The following GULP1 variants were observed in gnomAD, a reference collection of about 807,000 sequenced individuals.
GULP1 encodes PTB domain-containing engulfment adapter protein 1.
GULP1 carries 19 observed loss-of-function variants against 40.9 expected under a neutral mutation model. The observed-to-expected ratio is 0.46, with a 90% CI of 0.32 to 0.68. The LOEUF is 0.68. Ranked by LOEUF, GULP1 falls within the 30% of genes least tolerant of loss-of-function variation. The pLI, the probability that GULP1 is intolerant of heterozygous loss-of-function variation, is 0.03. For synonymous variants in GULP1, 119 were observed against 117.6 expected (o/e 1.01, Z -0.08); for missense variants, 312 against 362.2 (o/e 0.86, Z 1.12).
At chr2:188,385,267 A>G (rs1490567308) in intron 2 of GULP1, among the ~76,000 whole-genome samples, 1 of 152,154 alleles carries the variant, frequency 6.6e-6, no homozygotes, top group Non-Finnish European at 1.5e-5. Flanking sequence ...CCACAGGCTC[A>G]ATACCATGTG....
rs2050161716 is a variant in GULP1, at chr2:188,388,968, A to T, written c.-45+5079A>T. Reference sequence around the variant, plus strand: ...GGCAATGTTTCTAAATTTTTAAATAATTCAGGAAGAAACAATAGAAGCTTT... The same window carrying T: ...GGCAATGTTTCTAAATTTTTAAATATTTCAGGAAGAAACAATAGAAGCTTT... On this transcript the variant is annotated intron_variant, in intron 2 of 11. Transcript: ENST00000409830. Among the ~76,000 whole-genome samples, 3 of 152,226 alleles carry T rather than the reference A, an allele frequency of 2.0e-5. No homozygotes were observed. The South Asian group carries it at 6.2e-4, about 32-fold the overall frequency.
rs113918589 is a variant in GULP1, at chr2:188,499,171, G to A, written c.90+15679G>A. On this transcript the variant is annotated intron_variant, in intron 4 of 11. Coordinates refer to ENST00000409830, the MANE Select transcript of GULP1 (RefSeq NM_016315.4). ...TATATATATATATATATATATATAT[G>A]AACTCTGCATTTACTGTATCTTACA... 1.2e-3 allele frequency among the ~76,000 whole-genome samples: 127 copies of A among 105,478 alleles called. 3 individuals are homozygous for A. The highest frequency in any genetic ancestry group is 4.1e-3 in the African/African-American group (112 of 27,130). The allele number at this position is 105,478 out of a possible 152,430, so 69.2% of individuals were successfully genotyped here.
At chr2:188,411,409 G>A in intron 2 of GULP1, among the ~76,000 whole-genome samples, 1 of 152,110 alleles carries the variant, frequency 6.6e-6, no homozygotes, top group Non-Finnish European at 1.5e-5. Context: ...TTGATGAGTG[G>A]AAGTCCATGT....
At chr2:188,307,089 A>G (rs1040147146) in intron 1 of GULP1, among the ~76,000 whole-genome samples, 2 of 152,156 alleles carry the variant, frequency 1.3e-5, no homozygotes, top group Non-Finnish European at 2.9e-5. Flanking sequence ...TATTGAAGGA[A>G]AATAATGATT....
chr2:188,454,723 C>T (rs1190394405), intron 2 of GULP1, among the ~76,000 whole-genome samples: 1 of 152,198 alleles, frequency 6.6e-6, no homozygotes, highest in East Asian at 1.9e-4. Context: ...TAAAGAGGAT[C>T]AGTAATTTTA....
rs1704249465 is a variant in GULP1, at chr2:188,595,118, T to C, written c.*1107T>C. On this transcript the variant is annotated 3_prime_UTR_variant, in exon 12 of 12. Coordinates refer to ENST00000409830, the MANE Select transcript of GULP1 (RefSeq NM_016315.4). ...TTAGTCTTGAACATGAGCAATAAAATTCTCTTGCATTTCATTATTGATGTG... is the reference window on the plus strand; with the variant it reads ...TTAGTCTTGAACATGAGCAATAAAACTCTCTTGCATTTCATTATTGATGTG... 6.6e-6 allele frequency: 1 copy of C among 151,278 alleles called. No homozygotes were observed. The highest frequency in any genetic ancestry group is 2.4e-5 in the African/African-American group (1 of 41,244). 9.4% of individuals were successfully genotyped at this position (151,278 alleles called of 1,614,324 possible).
chr2:188,352,631 C>T (rs1221392891), intron 1 of GULP1, among the ~76,000 whole-genome samples: 1 of 150,926 alleles, frequency 6.6e-6, no homozygotes. Flanking sequence ...CACACACACA[C>T]ACACACACAC....
At chr2:188,336,952 T>C (rs1454770166) in intron 1 of GULP1, among the ~76,000 whole-genome samples, 1 of 152,186 alleles carries the variant, frequency 6.6e-6, no homozygotes, top group Non-Finnish European at 1.5e-5. Context: ...ATATCTTTGA[T>C]GCCTTTGTTA....
chr2:188,453,117 T>A (rs1487629189), intron 2 of GULP1, among the ~76,000 whole-genome samples: 1 of 152,086 alleles, frequency 6.6e-6, no homozygotes, highest in Non-Finnish European at 1.5e-5. Flanking sequence ...TATGCCCTTC[T>A]TTTTAATATG....
intron 9 of GULP1, among the ~76,000 whole-genome samples, chr2:188,582,781 A>G (rs528919844): frequency 6.6e-6 from 1 of 152,310 alleles, no homozygotes; most frequent in South Asian, 2.1e-4. Flanking sequence ...ATTTACATAC[A>G]GATACTTCAA....
intron 5 of GULP1, among the ~76,000 whole-genome samples, chr2:188,525,998 C>T (rs7419798): frequency 0.89 from 135,133 of 152,154 alleles, 61,296 homozygotes; most frequent in South Asian, 0.99. Flanking sequence ...ATAATAGGCC[C>T]GAAGTAGTAA....
intron 2 of GULP1, among the ~76,000 whole-genome samples, chr2:188,459,879 G>A (rs958112498): frequency 6.6e-6 from 1 of 152,118 alleles, no homozygotes; most frequent in African/African-American, 2.4e-5. Flanking sequence ...AGTTTTCCCA[G>A]CATCATTTAT....
chr2:188,430,812 A>G (rs985711345), intron 2 of GULP1, among the ~76,000 whole-genome samples: 3 of 152,302 alleles, frequency 2.0e-5, no homozygotes, highest in Non-Finnish European at 1.5e-5. Flanking sequence ...AGAACCAGCC[A>G]TAAAGAAATG....
chr2:188,512,866 C>T (rs1321024724), intron 4 of GULP1, among the ~76,000 whole-genome samples: 2 of 152,006 alleles, frequency 1.3e-5, no homozygotes, highest in African/African-American at 4.8e-5. Flanking sequence ...TTCATTTTAA[C>T]TATTTGAAAA....
intron 7 of GULP1, among the ~76,000 whole-genome samples, chr2:188,544,107 C>T (rs890340339): frequency 2.0e-5 from 3 of 152,052 alleles, no homozygotes; most frequent in Admixed American, 1.3e-4. Flanking sequence ...CATTTCCACC[C>T]TCACTCTCCT....
chr2:188,459,963 A>G (rs1163731753), intron 2 of GULP1, among the ~76,000 whole-genome samples: 1 of 151,858 alleles, frequency 6.6e-6, no homozygotes, highest in Non-Finnish European at 1.5e-5. Context: ...AGGTGCGTGG[A>G]TTTATTTCTG....
intron 7 of GULP1, among the ~76,000 whole-genome samples, chr2:188,551,688 C>T (rs556076950): frequency 6.6e-6 from 1 of 151,792 alleles, no homozygotes; most frequent in South Asian, 2.1e-4. Context: ...GATGGATACC[C>T]AGTAGTGGAG....
chr2:188,305,217 G>T (rs997414839), intron 1 of GULP1, among the ~76,000 whole-genome samples: 2 of 152,220 alleles, frequency 1.3e-5, no homozygotes, highest in Non-Finnish European at 2.9e-5. Flanking sequence ...TGCAGATGAA[G>T]AGATGCATAG....
intron 4 of GULP1, among the ~76,000 whole-genome samples, chr2:188,484,589 G>A (rs984617702): frequency 6.6e-6 from 1 of 151,422 alleles, no homozygotes; most frequent in Admixed American, 6.6e-5. Context: ...GATTAGTGAA[G>A]TATACACTGG....
Sources: allele counts gnomAD v4.1 joint callset (sites outside exome capture counted in the v4.1 genomes callset), GRCh38; gene constraint gnomAD v4.1.1; transcripts MANE v1.5; gene names NCBI Gene and HGNC (gene_info 2026-07-23, HGNC 2026-07-21).